RASA1: variants seen among roughly 807,000 people sequenced by gnomAD.
RASA1 encodes ras GTPase-activating protein 1.
A neutral mutation model predicts 132.2 loss-of-function variants in RASA1; 25 were observed. The observed-to-expected ratio is 0.19, with a 90% CI of 0.14 to 0.26. The LOEUF is 0.26. Among genes scored for constraint, RASA1 ranks in the 10% least tolerant of loss-of-function variants. The pLI is 1.00. For synonymous variants in RASA1, 477 were observed against 449.9 expected (o/e 1.06, Z -0.76); for missense variants, 964 against 1,299.2 (o/e 0.74, Z 3.97).
At chr5:87,379,174 G>T (rs886758921) in intron 18 of RASA1, among the ~76,000 whole-genome samples, 1 of 152,118 alleles carries the variant, frequency 6.6e-6, no homozygotes, top group Admixed American at 6.6e-5. Flanking sequence ...CGAAGGTGTC[G>T]ATTCATACTA....
At chr5:87,332,768 C>A in intron 3 of RASA1, 126 bp downstream of exon 3, 1 of 984,222 alleles carries the variant, frequency 1.0e-6, no homozygotes, top group Non-Finnish European at 1.4e-6. Context: ...AATTTTAATT[C>A]GGGTTATAAT....
chr5:87,287,483 A>C (rs369986463), intron 1 of RASA1, among the ~76,000 whole-genome samples: 7 of 137,838 alleles, frequency 5.1e-5, no homozygotes, highest in South Asian at 4.3e-4. Flanking sequence ...ATATATATAC[A>C]CACCATATAT....
intron 1 of RASA1, among the ~76,000 whole-genome samples, chr5:87,282,959 A>G (rs1374942038): frequency 6.6e-6 from 1 of 152,120 alleles, no homozygotes; most frequent in Non-Finnish European, 1.5e-5. Flanking sequence ...TACCTTACGT[A>G]CTCAGCATTT....
chr5:87,364,742 A>G (rs1410125615), intron 11 of RASA1, among the ~76,000 whole-genome samples: 5 of 152,152 alleles, frequency 3.3e-5, no homozygotes, highest in African/African-American at 1.2e-4. Flanking sequence ...GTAGCAAGGT[A>G]GCAAACAGCA....
chr5:87,295,355 T>A (rs1245109358), intron 1 of RASA1, among the ~76,000 whole-genome samples: 1 of 152,046 alleles, frequency 6.6e-6, no homozygotes, highest in Non-Finnish European at 1.5e-5. Context: ...GTTAAATTAA[T>A]ATTCACCATA....
chr5:87,288,980 C>T, intron 1 of RASA1, among the ~76,000 whole-genome samples: 1 of 152,232 alleles, frequency 6.6e-6, no homozygotes, highest in East Asian at 1.9e-4. Context: ...ATGAATTTAA[C>T]ATTAATGTAT....
chr5:87,317,254 G>A (rs1214778412), intron 1 of RASA1, among the ~76,000 whole-genome samples: 1 of 152,078 alleles, frequency 6.6e-6, no homozygotes, highest in Non-Finnish European at 1.5e-5. Context: ...CCTTTTGTTT[G>A]TGCGTTCCAG....
At chr5:87,287,523 TA>T (rs932786211) in intron 1 of RASA1, among the ~76,000 whole-genome samples, 39 of 145,076 alleles carry the variant, frequency 2.7e-4, no homozygotes, top group Admixed American at 4.1e-4. Flanking sequence ...ACCATATATA[TA>T]CCATATATAT....
intron 1 of RASA1, among the ~76,000 whole-genome samples, chr5:87,305,030 A>T (rs568813894): frequency 7.3e-6 from 1 of 137,826 alleles, no homozygotes; most frequent in African/African-American, 2.7e-5. Flanking sequence ...TTTTTGAAGG[A>T]TATTGTTTCT....
intron 1 of RASA1, among the ~76,000 whole-genome samples, chr5:87,306,145 C>G (rs778736668): frequency 2.0e-5 from 3 of 151,916 alleles, no homozygotes; most frequent in Non-Finnish European, 4.4e-5. Flanking sequence ...ATAAATCACT[C>G]TATTATAAAG....
chr5:87,378,214 C>CT (rs1333143139), intron 17 of RASA1, among the ~76,000 whole-genome samples, 182 bp from the exon 18 acceptor site: 25 of 152,160 alleles, frequency 1.6e-4, no homozygotes, highest in African/African-American at 4.3e-4. Context: ...ATATGAAAGT[C>CT]TTACAGAGTT....
intron 22 of RASA1, 42 bp from the exon 23 acceptor site, chr5:87,386,784 G>C: frequency 6.5e-7 from 1 of 1,541,042 alleles, no homozygotes; most frequent in Non-Finnish European, 9.0e-7. Context: ...TCAAACAGTG[G>C]TTTGTTTCTG....
intron 1 of RASA1, among the ~76,000 whole-genome samples, chr5:87,280,592 C>T (rs1299785434): frequency 6.6e-6 from 1 of 152,128 alleles, no homozygotes; most frequent in Admixed American, 6.6e-5. Context: ...GGATTACAAG[C>T]GTGAGCCACC....
intron 11 of RASA1, among the ~76,000 whole-genome samples, chr5:87,364,656 C>T (rs1760371026): frequency 6.6e-6 from 1 of 152,040 alleles, no homozygotes; most frequent in Non-Finnish European, 1.5e-5. Flanking sequence ...TGATTCAGGC[C>T]TCTGTCTTTT....
intron 1 of RASA1, among the ~76,000 whole-genome samples, chr5:87,295,541 CT>C (rs1755082551): frequency 6.6e-6 from 1 of 151,574 alleles, no homozygotes; most frequent in African/African-American, 2.4e-5. Flanking sequence ...TTTTGAGACA[CT>C]GTATCACCCA....
chr5:87,361,706 T>C (rs1760107676), intron 9 of RASA1, among the ~76,000 whole-genome samples: 1 of 152,134 alleles, frequency 6.6e-6, no homozygotes. Flanking sequence ...TTCCTAAAAA[T>C]CATAGCATTA....
chr5:87,351,737 A>T (rs1043568068), intron 8 of RASA1, among the ~76,000 whole-genome samples: 2 of 151,786 alleles, frequency 1.3e-5, no homozygotes, highest in Non-Finnish European at 3.0e-5. Context: ...AGTAATTTTT[A>T]AAAAAACTCT....
chr5:87,338,144 T>C, intron 5 of RASA1, 53 bp downstream of exon 5: 1 of 1,606,502 alleles, frequency 6.2e-7, no homozygotes. Context: ...TTTATAAATT[T>C]GGATCTTGTC....
At chr5:87,364,885 G>T (rs545618907) in intron 11 of RASA1, among the ~76,000 whole-genome samples, 95 of 152,252 alleles carry the variant, frequency 6.2e-4, no homozygotes, top group Middle Eastern at 3.4e-3. Context: ...TATCCTGATA[G>T]AATGAGGAGA....
Sources: gnomAD v4.1 joint callset for allele counts (sites outside exome capture counted in the v4.1 genomes callset) on GRCh38, gnomAD v4.1.1 for gene constraint, MANE v1.5 for transcripts, NCBI Gene and HGNC (gene_info 2026-07-23, HGNC 2026-07-21) for gene names.